SULT1C3: variants seen among roughly 807,000 people sequenced by gnomAD.
SULT1C3 encodes the protein sulfotransferase family 1C member 3, also known as sulfotransferase 1C3.
A neutral mutation model predicts 28.4 loss-of-function variants in SULT1C3; 31 were observed. The observed-to-expected ratio is 1.09, with a 90% confidence interval of 0.82 to 1.47. SULT1C3 has a LOEUF of 1.47. Among genes scored for constraint, SULT1C3 ranks in the 40% most tolerant of loss-of-function variants. The pLI is 0.00. For synonymous variants in SULT1C3, 106 were observed against 92.2 expected (o/e 1.15, Z -0.86); for missense variants, 307 against 272.5 (o/e 1.13, Z -0.89).
At chr2:108,264,586 T>C (rs1676090688), downstream of SULT1C3, among the ~76,000 whole-genome samples, 1 of 152,214 alleles carries the variant, frequency 6.6e-6, no homozygotes, top group Non-Finnish European at 1.5e-5. Context: ...TGTTTGTGTT[T>C]ATGCTTAATT....
At chr2:108,246,479 G>A (rs1351491887) in intron 1 of SULT1C3, among the ~76,000 whole-genome samples, 1 of 152,066 alleles carries the variant, frequency 6.6e-6, no homozygotes, top group Non-Finnish European at 1.5e-5. Flanking sequence ...AGCTTGTGCA[G>A]GGGAACTCCC....
downstream of SULT1C3, among the ~76,000 whole-genome samples, chr2:108,264,516 A>G (rs1676088730): frequency 6.6e-6 from 1 of 151,820 alleles, no homozygotes; most frequent in Non-Finnish European, 1.5e-5. Flanking sequence ...CTTCCCACCA[A>G]ATCTCCTGGC....
intron 1 of SULT1C3, among the ~76,000 whole-genome samples, chr2:108,244,706 G>T (rs1250419944): frequency 1.3e-5 from 2 of 152,154 alleles, no homozygotes; most frequent in African/African-American, 2.4e-5. Flanking sequence ...GCCTAAGTCT[G>T]CCTTTACTTG....
downstream of SULT1C3, chr2:108,265,177 G>A: frequency 6.6e-7 from 1 of 1,523,588 alleles, no homozygotes; most frequent in East Asian, 2.3e-5. Flanking sequence ...GGGGTCCTAA[G>A]GGTGCATGCT....
In SULT1C3 at chr2:108,247,367, G is replaced by A. The variant is rs770614466; in HGVS notation, c.172+1G>A. On this transcript the variant is annotated splice_donor_variant, in intron 2 of 7. Transcript: ENST00000681802. LOFTEE classifies it high-confidence loss of function. ...ATTCTGGCAACTTACCCAAAGTCAG[G>A]TAAGGGTAGCAAAACATAAAAATAT... 1.3e-6 allele frequency: 2 copies of A among 1,538,110 alleles called. No individual in the cohort carries two copies. The highest frequency in any genetic ancestry group is 2.1e-5 in the Admixed American group (1 of 48,728).
At chr2:108,253,311 G>A (rs1158038092) in intron 3 of SULT1C3, 34 bp from the exon 4 acceptor site, 1 of 1,397,796 alleles carries the variant, frequency 7.2e-7, no homozygotes, top group Admixed American at 2.3e-5. Context: ...AGAGTGCCAA[G>A]AATAAACAAA....
At position 108,260,795 on chromosome 2, in the gene SULT1C3, T is replaced by C. The variant is rs934752090; in HGVS notation, c.*115T>C. The C allele has an allele frequency of 2.2e-4, 73 of 327,214 alleles. No individual in the cohort carries two copies. Among genetic ancestry groups the C allele is most frequent in the Non-Finnish European group, 4.3e-5 (7 of 162,654 alleles). 20.3% of individuals were successfully genotyped at this position (327,214 alleles called of 1,614,324 possible). On this transcript the variant is annotated 3_prime_UTR_variant, in exon 8 of 8. Coordinates refer to ENST00000681802, the MANE Select transcript of SULT1C3 (RefSeq NM_001320878.2). ...CTTATGAGCTTCAGTCCATCTCCTATAGTGTGGCTAGTTTGCTATAATATT... is the reference window on the plus strand; with the variant it reads ...CTTATGAGCTTCAGTCCATCTCCTACAGTGTGGCTAGTTTGCTATAATATT...
chr2:108,255,341 C>G (rs900383342), intron 4 of SULT1C3, among the ~76,000 whole-genome samples: 5 of 152,084 alleles, frequency 3.3e-5, no homozygotes, highest in Non-Finnish European at 4.4e-5. Flanking sequence ...AAGAGTGGTT[C>G]CTCATAACCA....
chr2:108,243,782 T>C (rs2104381739), intron 1 of SULT1C3, among the ~76,000 whole-genome samples: 1 of 152,298 alleles, frequency 6.6e-6, no homozygotes, highest in Middle Eastern at 3.4e-3. Flanking sequence ...GTGCTTAAGA[T>C]ATTTTGTAAA....
Position 108,258,882 on chromosome 2 carries a change from A to G in SULT1C3, c.621+54A>G, listed in dbSNP as rs889620332. On this transcript the variant is annotated intron_variant, in intron 6 of 7. Transcript: ENST00000681802. ...ACCCAGAAACCCTCCTGACAATGTT[A>G]TTCTGTTAAAAAGCTGTGTCTTTAA... is the stretch of plus-strand genomic sequence containing the variant. The G allele has an allele frequency of 2.1e-6, 3 of 1,413,200 alleles. No homozygotes were observed. The African/African-American group carries it at 4.3e-5, about 20-fold the overall frequency. 87.5% of individuals were successfully genotyped at this position (1,413,200 alleles called of 1,614,324 possible).
At chr2:108,249,405 A>G (rs2104385771) in intron 2 of SULT1C3, among the ~76,000 whole-genome samples, 1 of 152,212 alleles carries the variant, frequency 6.6e-6, no homozygotes, top group Non-Finnish European at 1.5e-5. Context: ...ATAAAAAGTT[A>G]TATTAAAGAA....
chr2:108,250,938 G>A (rs932586302), intron 2 of SULT1C3, among the ~76,000 whole-genome samples: 1 of 151,944 alleles, frequency 6.6e-6, no homozygotes, highest in South Asian at 2.1e-4. Context: ...CAGACACAAC[G>A]TTCTACTCTT....
chr2:108,253,120 T>A (rs555540379), intron 3 of SULT1C3, among the ~76,000 whole-genome samples: 1 of 152,160 alleles, frequency 6.6e-6, no homozygotes, highest in South Asian at 2.1e-4. Context: ...GAAAAAGAGC[T>A]TTCCTGAAAG....
At chr2:108,249,796 C>T (rs1377166159) in intron 2 of SULT1C3, among the ~76,000 whole-genome samples, 1 of 151,960 alleles carries the variant, frequency 6.6e-6, no homozygotes, top group African/African-American at 2.4e-5. Context: ...AGTAAAGTGG[C>T]AGGGTTTATA....
At chr2:108,256,375 G>A (rs1207480275) in intron 5 of SULT1C3, among the ~76,000 whole-genome samples, 1 of 152,064 alleles carries the variant, frequency 6.6e-6, no homozygotes, top group Non-Finnish European at 1.5e-5. Context: ...AGATAAGATG[G>A]CTACATAAAG....
Position 108,247,280 on chromosome 2 carries a change from T to C in SULT1C3, c.86T>C (p.Leu29Ser), listed in dbSNP as rs750475374. The C allele has an allele frequency of 4.4e-6, 7 of 1,598,090 alleles. No homozygotes were observed. In the African/African-American group the frequency reaches 5.4e-5, roughly 12 times the overall value. Residue 29 changes from leucine (L) to serine (S), a missense_variant, in exon 2 of 8, where the codon TTG becomes TCG. Coordinates refer to ENST00000681802, the MANE Select transcript of SULT1C3 (RefSeq NM_001320878.2). Reference sequence around the variant, plus strand: ...ATGGAAGTAGATGGAGTCCCTACGTTGATATTATCAAAAGAATGGTGGGAA... The same window carrying C: ...ATGGAAGTAGATGGAGTCCCTACGTCGATATTATCAAAAGAATGGTGGGAA... ...NIMEVDGVPTLILSKEWWEKV... is the reference protein window; with the variant it reads ...NIMEVDGVPTSILSKEWWEKV...
chr2:108,262,821 T>TA (rs1676052952), downstream of SULT1C3, among the ~76,000 whole-genome samples: 1 of 152,098 alleles, frequency 6.6e-6, no homozygotes, highest in Admixed American at 6.6e-5. Flanking sequence ...TGTGGCCCAA[T>TA]AACAAGATGC....
chr2:108,257,249 G>A (rs555379545), intron 5 of SULT1C3, among the ~76,000 whole-genome samples: 2 of 151,906 alleles, frequency 1.3e-5, no homozygotes, highest in Admixed American at 6.6e-5. Flanking sequence ...CAAAAGAAAG[G>A]ATTCTGCCTC....
At chr2:108,248,048 T>A (rs1675630589) in intron 2 of SULT1C3, among the ~76,000 whole-genome samples, 1 of 152,204 alleles carries the variant, frequency 6.6e-6, no homozygotes. Flanking sequence ...ATGTACTACA[T>A]CTTCTTTTTG....
Sources: gnomAD v4.1 joint callset for allele counts (sites outside exome capture counted in the v4.1 genomes callset) on GRCh38, gnomAD v4.1.1 for gene constraint, MANE v1.5 for transcripts, NCBI Gene and HGNC (gene_info 2026-07-23, HGNC 2026-07-21) for gene names.